Variants in CNPY1 observed in about 807,000 individuals in gnomAD.
CNPY1 encodes canopy FGF signaling regulator 1.
A neutral mutation model predicts 14.4 loss-of-function variants in CNPY1; 14 were observed. That is an observed-to-expected ratio of 0.97 (90% CI 0.64 to 1.52). CNPY1 has a LOEUF of 1.52. Among genes scored for constraint, CNPY1 ranks in the 40% most tolerant of loss-of-function variants. CNPY1 has a pLI of 0.00. For synonymous variants in CNPY1, 43 were observed against 46.5 expected, an observed-to-expected ratio of 0.92 and a Z score of 0.31; for missense variants, 129 against 131.5, an observed-to-expected ratio of 0.98 and a Z score of 0.09.
In CNPY1 at chr7:155,502,387, A is replaced by G. The variant is rs1378994462; in HGVS notation, c.*681T>C. The G allele has an allele frequency of 6.6e-6, 1 of 152,244 alleles. No homozygotes were observed. The allele number at this position is 152,244 out of a possible 1,614,324, so 9.4% of individuals were successfully genotyped here. On this transcript the variant is annotated 3_prime_UTR_variant, in exon 5 of 5. Transcript: ENST00000636446. ...AGTGTCATCTTTTAACACCTGATGC[A>G]ATAATAAATCAACTTTCTAAGCCAC...
intron 2 of CNPY1, among the ~76,000 whole-genome samples, chr7:155,516,560 G>T (rs1477271728): frequency 7.5e-6 from 1 of 132,608 alleles, no homozygotes; most frequent in Non-Finnish European, 1.6e-5. Context: ...TGTCCTCAAG[G>T]AGTCACAGGC....
chr7:155,539,689 G>A (rs1003340360), intron 2 of CNPY1, among the ~76,000 whole-genome samples: 1 of 152,126 alleles, frequency 6.6e-6, no homozygotes, highest in Admixed American at 6.5e-5. Context: ...GATTAACGGG[G>A]GGAAAAAAGC....
intron 2 of CNPY1, chr7:155,510,368 T>C (rs563060042): frequency 3.3e-5 from 5 of 152,158 alleles, no homozygotes; most frequent in Non-Finnish European, 7.3e-5. Flanking sequence ...GCGCCCCCCG[T>C]TTCAATAAGG....
chr7:155,510,854 G>A (rs571803186), intron 2 of CNPY1, among the ~76,000 whole-genome samples: 42 of 152,278 alleles, frequency 2.8e-4, no homozygotes, highest in African/African-American at 9.4e-4. Context: ...AATTAAACAC[G>A]TATTAATCAC....
chr7:155,528,334 C>T lies in CNPY1; in HGVS notation c.99+17497G>A, dbSNP rs188841696. ...CTCGGCCTTGTAGGACTGTGGTGGG[C>T]GGGCCCAGGAGCCCAGACTCGCCCA... On this transcript the variant is annotated intron_variant, in intron 2 of 4. Coordinates refer to ENST00000636446, the MANE Select transcript of CNPY1 (RefSeq NM_001393663.1). Among the ~76,000 whole-genome samples the T allele has an allele frequency of 5.9e-5, 9 of 152,334 alleles. No individual in the cohort carries two copies. The East Asian group carries it at 1.2e-3, about 20-fold the overall frequency.
intron 2 of CNPY1, among the ~76,000 whole-genome samples, chr7:155,539,243 G>A (rs745626732): frequency 3.9e-5 from 6 of 152,312 alleles, no homozygotes; most frequent in Admixed American, 2.0e-4. Flanking sequence ...TTAGGCTACC[G>A]TATCATGCTG....
chr7:155,525,802 C>T (rs1245386844), intron 2 of CNPY1, among the ~76,000 whole-genome samples: 1 of 152,226 alleles, frequency 6.6e-6, no homozygotes, highest in Non-Finnish European at 1.5e-5. Flanking sequence ...ATCCCAGACA[C>T]AACGTCATTA....
At chr7:155,504,344 T>C (rs1796222879) in intron 4 of CNPY1, among the ~76,000 whole-genome samples, 2 of 152,202 alleles carry the variant, frequency 1.3e-5, no homozygotes, top group South Asian at 4.1e-4. Flanking sequence ...GACATATATA[T>C]TTTCTCCATT....
intron 4 of CNPY1, chr7:155,506,666 C>A (rs573801352): frequency 3.5e-4 from 73 of 209,298 alleles, no homozygotes; most frequent in Non-Finnish European, 5.0e-4. Context: ...GGTCTCCTTC[C>A]CTGGTCCAGG....
At position 155,509,014 on chromosome 7, in the gene CNPY1, T is replaced by C. The variant is rs184800575; in HGVS notation, c.183A>G (p.Glu61=). 1.2e-3 allele frequency: 1,896 copies of C among 1,613,728 alleles called. 2 individuals carry two copies. The highest frequency in any genetic ancestry group is 1.5e-3 in the Non-Finnish European group (1,744 of 1,179,828). The change falls in exon 3 of 5, where the codon GAA becomes GAG. Residue 61 remains glutamate, a synonymous_variant. Coordinates refer to ENST00000636446, the MANE Select transcript of CNPY1 (RefSeq NM_001393663.1). The part of the protein sequence containing the change: ...CERMNDYKLE[E]DPVTKERTFK... ...AAGTTCTCTCCTTCGTCACAGGGTC[T>C]TCCTCAAGCTTGTAGTCGTTCATTC...
At chr7:155,509,250 TTA>T (rs1313524052) in intron 2 of CNPY1, among the ~76,000 whole-genome samples, 153 bp from the exon 3 acceptor site, 2 of 152,228 alleles carry the variant, frequency 1.3e-5, no homozygotes, top group Non-Finnish European at 2.9e-5. Context: ...CCGCAGATTG[TTA>T]TTACAATGTA....
intron 2 of CNPY1, among the ~76,000 whole-genome samples, chr7:155,540,766 A>G (rs1428895148): frequency 6.6e-6 from 1 of 152,164 alleles, no homozygotes; most frequent in Non-Finnish European, 1.5e-5. Context: ...CGGAGGTTCA[A>G]AATCTAAAAG....
chr7:155,533,417 C>G (rs866750439), intron 2 of CNPY1, among the ~76,000 whole-genome samples: 1 of 152,234 alleles, frequency 6.6e-6, no homozygotes, highest in Non-Finnish European at 1.5e-5. Context: ...CGTTTGTTTA[C>G]TCTAAGCATA....
intron 4 of CNPY1, among the ~76,000 whole-genome samples, chr7:155,504,695 C>CACACACACAT (rs1452141417): frequency 1.7e-5 from 1 of 59,742 alleles, no homozygotes; most frequent in Non-Finnish European, 4.6e-5. Flanking sequence ...CCCCAACACA[C>CACACACACAT]ACACACACAC....
intron 2 of CNPY1, among the ~76,000 whole-genome samples, chr7:155,514,653 G>A (rs1796582778): frequency 6.6e-6 from 1 of 152,188 alleles, no homozygotes; most frequent in Non-Finnish European, 1.5e-5. Flanking sequence ...CCAGCACTTT[G>A]GAAGGCCGAG....
chr7:155,538,612 G>A (rs554624221), intron 2 of CNPY1, among the ~76,000 whole-genome samples: 37 of 152,286 alleles, frequency 2.4e-4, no homozygotes, highest in East Asian at 5.8e-4. Context: ...CACTTGCCCC[G>A]CAGTTGGTCT....
In CNPY1 at chr7:155,506,986, G is replaced by A. The variant is rs1418036260; in HGVS notation, c.400+34C>T. On this transcript the variant is annotated intron_variant, in intron 4 of 4. Transcript: ENST00000636446. ...GCTGAGTGAGAGAGAGAGGGTGTGC[G>A]AGCAGCGAGCACATGTTACATCAGA... is the stretch of plus-strand genomic sequence containing the variant. 7 of 1,365,692 alleles carry A rather than the reference G, an allele frequency of 5.1e-6. No individual in the cohort carries two copies. In the Admixed American group the frequency reaches 6.7e-5, roughly 13 times the overall value. The allele number at this position is 1,365,692 out of a possible 1,614,324, so 84.6% of individuals were successfully genotyped here.
chr7:155,503,179 CA>C, intron 4 of CNPY1, 74 bp from the exon 5 acceptor site: 2 of 1,172,556 alleles, frequency 1.7e-6, no homozygotes, highest in South Asian at 1.4e-5. Context: ...TTACATTATG[CA>C]AAAACTATGT....
intron 2 of CNPY1, among the ~76,000 whole-genome samples, chr7:155,521,592 C>T (rs112683531): frequency 9.5e-4 from 145 of 152,266 alleles, no homozygotes; most frequent in African/African-American, 2.9e-3. Context: ...GTCCCTGGGC[C>T]GCCGCCTTGT....
Sources: allele counts gnomAD v4.1 joint callset (sites outside exome capture counted in the v4.1 genomes callset), GRCh38; gene constraint gnomAD v4.1.1; transcripts MANE v1.5; gene names NCBI Gene and HGNC (gene_info 2026-07-23, HGNC 2026-07-21).